Variants in EDARADD observed in about 807,000 individuals in gnomAD.
EDARADD encodes the protein EDAR associated via death domain.
A neutral mutation model predicts 25.6 loss-of-function variants in EDARADD; 20 were observed. The observed-to-expected ratio is 0.78, with a 90% CI of 0.55 to 1.14. The LOEUF is 1.14. Ranked by LOEUF, EDARADD falls within the 50% of genes most tolerant of loss-of-function variation. The pLI is 0.00. For synonymous variants in EDARADD, 86 were observed against 94.4 expected, an observed-to-expected ratio of 0.91 and a Z score of 0.52; for missense variants, 225 against 270.1, an observed-to-expected ratio of 0.83 and a Z score of 1.17.
intron 4 of EDARADD, among the ~76,000 whole-genome samples, chr1:236,456,761 G>A (rs113533488): frequency 0.013 from 1,691 of 126,346 alleles, 43 homozygotes; most frequent in African/African-American, 0.049. Context: ...TCGCTGTCAC[G>A]CTCCCAACTC....
rs1368894825 is a variant in EDARADD, at chr1:236,374,508, A to G, written c.-6+23669A>G. On this transcript the variant is annotated intron_variant, in intron 3 of 7. Coordinates refer to the EDARADD transcript ENST00000439430. The stretch of plus-strand genomic sequence containing the variant: ...GGTCTCAAACTCCTGGGCTCGAGCT[A>G]TTTCCAACCACAATAGTAGATTCAT... Among the ~76,000 whole-genome samples, 3 of 152,192 alleles carry G rather than the reference A, an allele frequency of 2.0e-5. No individual in the cohort carries two copies. In the East Asian group the frequency reaches 5.8e-4, roughly 29 times the overall value.
Position 236,386,003 on chromosome 1 carries a change from C to T in EDARADD, c.-5-23213C>T, listed in dbSNP as rs1231026097. Among the ~76,000 whole-genome samples, 2 of 30,848 alleles carry T rather than the reference C, an allele frequency of 6.5e-5. 1 individual carries two copies. Among genetic ancestry groups the T allele is most frequent in the East Asian group, 3.1e-3 (2 of 650 alleles). The allele number at this position is 30,848 out of a possible 152,430, so 20.2% of individuals were successfully genotyped here. A position where few individuals can be genotyped will look rare whatever the true frequency, so the allele number is the denominator to read the frequency against. On this transcript the variant is annotated intron_variant, in intron 3 of 7. Coordinates refer to the EDARADD transcript ENST00000439430. Reference sequence around the variant, plus strand: ...AAGCTGGACTGTACTGCTGCCATCTCGGCTCACTGCAACCTCCCTGCCTGA... The same window carrying T: ...AAGCTGGACTGTACTGCTGCCATCTTGGCTCACTGCAACCTCCCTGCCTGA...
upstream of EDARADD, among the ~76,000 whole-genome samples, chr1:236,390,940 A>ATTATTATTATT (rs767280004): frequency 3.2e-5 from 1 of 31,572 alleles, no homozygotes; most frequent in Non-Finnish European, 9.4e-5. Context: ...CTCTTGGGTT[A>ATTATTATTATT]GTTGTTATTA....
At chr1:236,447,238 CTTTCCTT>C (rs1333055535) in intron 4 of EDARADD, among the ~76,000 whole-genome samples, 1 of 112,612 alleles carries the variant, frequency 8.9e-6, no homozygotes, top group Admixed American at 1.1e-4. Flanking sequence ...TCTTTCCTTT[CTTTCCTT>C]TCTTTCCTTT....
chr1:236,356,705 A>G (rs2102990385), intron 3 of EDARADD, among the ~76,000 whole-genome samples: 1 of 152,204 alleles, frequency 6.6e-6, no homozygotes, highest in Middle Eastern at 3.4e-3. Flanking sequence ...AGTACGAATA[A>G]TCATAGTCTC....
intron 3 of EDARADD, among the ~76,000 whole-genome samples, chr1:236,371,761 G>A (rs765327754): frequency 4.0e-5 from 6 of 151,716 alleles, no homozygotes; most frequent in Non-Finnish European, 7.4e-5. Flanking sequence ...TAATAGAGAC[G>A]GGGTTTCTTC....
intron 3 of EDARADD, among the ~76,000 whole-genome samples, chr1:236,381,539 GC>G (rs2102996111): frequency 6.6e-6 from 1 of 151,764 alleles, no homozygotes; most frequent in South Asian, 2.1e-4. Context: ...TCCCTTCTAG[GC>G]TTTTGAACAA....
intron 4 of EDARADD, among the ~76,000 whole-genome samples, chr1:236,454,339 T>C (rs1253622): frequency 0.99 from 150,286 of 152,318 alleles, 74,159 homozygotes; most frequent in Middle Eastern, 1. Context: ...TGAGCCACCG[T>C]GCCCGGCCTA....
intron 4 of EDARADD, among the ~76,000 whole-genome samples, chr1:236,435,752 A>G (rs566236137): frequency 7.1e-4 from 108 of 152,306 alleles, no homozygotes; most frequent in Non-Finnish European, 1.4e-3. Flanking sequence ...TTTTAGAAAG[A>G]AAAAGGATCA....
At chr1:236,368,761 C>A (rs2102993063) in intron 3 of EDARADD, among the ~76,000 whole-genome samples, 1 of 152,228 alleles carries the variant, frequency 6.6e-6, no homozygotes, top group South Asian at 2.1e-4. Flanking sequence ...ATTCTTACAA[C>A]ACTTTTACCT....
intron 2 of EDARADD, among the ~76,000 whole-genome samples, chr1:236,413,956 A>G (rs916920506): frequency 2.6e-5 from 4 of 152,224 alleles, no homozygotes; most frequent in South Asian, 2.1e-4. Flanking sequence ...ATGCTCCTCA[A>G]TTGTAAACTG....
chr1:236,386,974 C>A (rs1176480524), intron 3 of EDARADD, among the ~76,000 whole-genome samples: 200 of 49,384 alleles, frequency 4.0e-3, no homozygotes, highest in African/African-American at 9.7e-3. Context: ...GTGAGGGGCG[C>A]CTCTGCCCGG....
intron 5 of EDARADD, among the ~76,000 whole-genome samples, chr1:236,472,616 C>T (rs1558136749): frequency 6.6e-6 from 1 of 152,178 alleles, no homozygotes; most frequent in Non-Finnish European, 1.5e-5. Flanking sequence ...GCAACCTCTG[C>T]CTCCTGGGCT....
In EDARADD at chr1:236,409,250, C is replaced by G; in HGVS notation, c.96C>G (p.Asp32Glu). Residue 32 changes from aspartate (D) to glutamate (E), a missense_variant, in exon 2 of 6, where the codon GAC becomes GAG. Asp to Glu is a conservative substitution (Grantham distance 45). Coordinates refer to ENST00000334232, the MANE Select transcript of EDARADD (RefSeq NM_145861.4). Reference sequence around the variant, plus strand: ...TAAAGGAACCAGTGGAAGACACAGACCCTAGCACTTTATCCTTTAATATGG... The same window carrying G: ...TAAAGGAACCAGTGGAAGACACAGAGCCTAGCACTTTATCCTTTAATATGG... ...HMVKEPVEDT[D>E]PSTLSFNMSD... The G allele has an allele frequency of 6.2e-7, 1 of 1,613,182 alleles. No homozygotes were observed. The highest frequency in any genetic ancestry group is 8.5e-7 in the Non-Finnish European group (1 of 1,179,322).
chr1:236,466,930 G>A (rs781327732), intron 4 of EDARADD, among the ~76,000 whole-genome samples: 15 of 152,112 alleles, frequency 9.9e-5, no homozygotes, highest in South Asian at 6.2e-4. Context: ...AGCCAGGCGT[G>A]GTGGCGGGTG....
At chr1:236,397,342 C>T (rs896108744) in intron 1 of EDARADD, among the ~76,000 whole-genome samples, 2 of 151,912 alleles carry the variant, frequency 1.3e-5, no homozygotes, top group African/African-American at 4.8e-5. Flanking sequence ...TCCAGGAGGT[C>T]GAGGCTGCAG....
In EDARADD at chr1:236,483,542, G is replaced by A. The variant is rs911604201; in HGVS notation, c.*893G>A. On this transcript the variant is annotated 3_prime_UTR_variant, in exon 6 of 6. Transcript: ENST00000334232. ...CCTGCAAAGCTAGTGCTGTTGAGAA[G>A]GGGGTTCCCCTGTACCACCACATCG... 2.8e-5 allele frequency: 32 copies of A among 1,141,844 alleles called. No homozygotes were observed. Among genetic ancestry groups the A allele is most frequent in the Non-Finnish European group, 2.0e-5 (15 of 751,980 alleles). 70.7% of individuals were successfully genotyped at this position (1,141,844 alleles called of 1,614,324 possible).
chr1:236,435,966 A>G (rs1320346088), intron 4 of EDARADD, among the ~76,000 whole-genome samples: 1 of 152,158 alleles, frequency 6.6e-6, no homozygotes, highest in Non-Finnish European at 1.5e-5. Flanking sequence ...ATTTTGATAA[A>G]TAAGAGTCGT....
At chr1:236,476,944 A>AT (rs1659524686) in intron 5 of EDARADD, among the ~76,000 whole-genome samples, 1 of 151,402 alleles carries the variant, frequency 6.6e-6, no homozygotes, top group Non-Finnish European at 1.5e-5. Context: ...GTGAGCCATA[A>AT]TTGCAGCACT....
Sources: allele counts gnomAD v4.1 joint callset (sites outside exome capture counted in the v4.1 genomes callset), GRCh38; gene constraint gnomAD v4.1.1; transcripts MANE v1.5; gene names NCBI Gene and HGNC (gene_info 2026-07-23, HGNC 2026-07-21).